The following NRG1 variants were observed in gnomAD, a reference collection of about 807,000 sequenced individuals.
NRG1 encodes the protein neuregulin 1, also known as pro-neuregulin-1, membrane-bound isoform.
In NRG1, 18 loss-of-function variants were observed where a neutral mutation model predicts 63.8. That is an observed-to-expected ratio of 0.28 (90% CI 0.19 to 0.42). The LOEUF (loss-of-function observed/expected upper bound fraction) is 0.42, where lower values mean the gene tolerates loss of function less well. Ranked by LOEUF, NRG1 falls within the 10% of genes least tolerant of loss-of-function variation. The probability of loss-of-function intolerance (pLI) is 1.00; values close to 1 mark genes in which losing one functional copy is unlikely to be tolerated. For synonymous variants in NRG1, 302 were observed against 301.3 expected, an observed-to-expected ratio of 1.00 and a Z score of -0.02; for missense variants, 762 against 814.7, an observed-to-expected ratio of 0.94 and a Z score of 0.79.
intron 1 of NRG1, among the ~76,000 whole-genome samples, chr8:32,111,833 G>A (rs1427022047): frequency 6.6e-6 from 1 of 152,098 alleles, no homozygotes; most frequent in Non-Finnish European, 1.5e-5. Context: ...ATCCAGGCAT[G>A]CCTCCAGACA....
chr8:32,021,544 A>ATGTATTGCTTTAAATTTTAAG (rs1816444173), intron 1 of NRG1, among the ~76,000 whole-genome samples: 1 of 152,156 alleles, frequency 6.6e-6, no homozygotes, highest in African/African-American at 2.4e-5. Context: ...CCCTACCTCC[A>ATGTATTGCTTTAAATTTTAAG]CACTGGGGAT....
chr8:32,770,989 A>G (rs1433651690), downstream of NRG1, among the ~76,000 whole-genome samples: 1 of 152,170 alleles, frequency 6.6e-6, no homozygotes, highest in Non-Finnish European at 1.5e-5. Context: ...AATAAACTTT[A>G]TGTTATCATT....
intron 1 of NRG1, among the ~76,000 whole-genome samples, chr8:32,205,271 G>A (rs1843918375): frequency 6.6e-6 from 1 of 151,970 alleles, no homozygotes; most frequent in Admixed American, 6.6e-5. Flanking sequence ...GTAATCAAAG[G>A]TGCCCAATAC....
Position 32,242,340 on chromosome 8 carries a change from G to T in NRG1, c.38-353488G>T, listed in dbSNP as rs550795290. ...AATACAAAAATTAGGGGAGTGTGGT[G>T]GTGGGCGCCTATAATCCCAGCTACT... On this transcript the variant is annotated intron_variant, in intron 1 of 10. Coordinates refer to the NRG1 transcript ENST00000519301. 2.0e-5 allele frequency among the ~76,000 whole-genome samples: 3 copies of T among 152,128 alleles called. No individual in the cohort carries two copies. The South Asian group carries it at 6.2e-4, about 32-fold the overall frequency.
At chr8:32,327,743 C>T (rs1321216364) in intron 1 of NRG1, among the ~76,000 whole-genome samples, 1 of 152,122 alleles carries the variant, frequency 6.6e-6, no homozygotes, top group African/African-American at 2.4e-5. Context: ...ATATTGGAGA[C>T]CTTTATAACA....
intron 1 of NRG1, among the ~76,000 whole-genome samples, chr8:32,007,883 T>A (rs1429375562): frequency 3.9e-5 from 6 of 151,912 alleles, no homozygotes; most frequent in Non-Finnish European, 7.4e-5. Context: ...ATAATGACTG[T>A]ACCCAGCCCT....
chr8:32,234,026 G>A (rs1847279658), intron 1 of NRG1, among the ~76,000 whole-genome samples: 1 of 152,180 alleles, frequency 6.6e-6, no homozygotes, highest in South Asian at 2.1e-4. Context: ...TTTTATAAAT[G>A]TGTGTACTGG....
chr8:31,947,969 A>AAC (rs1554583485), intron 1 of NRG1, among the ~76,000 whole-genome samples: 1 of 150,390 alleles, frequency 6.6e-6, no homozygotes, highest in African/African-American at 2.5e-5. Context: ...AAAAAAAAAA[A>AAC]AAACTACTAC....
intron 1 of NRG1, among the ~76,000 whole-genome samples, chr8:32,329,239 G>C (rs188114313): frequency 2.6e-5 from 4 of 152,262 alleles, no homozygotes; most frequent in Admixed American, 2.6e-4. Context: ...AAAGTGCTGG[G>C]ATTACAGGTG....
chr8:32,017,673 G>A (rs200855768), intron 1 of NRG1, among the ~76,000 whole-genome samples: 5 of 152,288 alleles, frequency 3.3e-5, no homozygotes, highest in East Asian at 3.9e-4. Context: ...AGAAAAAGAC[G>A]TGACTCAGTT....
At chr8:31,818,510 C>T (rs1019491367) in intron 1 of NRG1, among the ~76,000 whole-genome samples, 13 of 152,204 alleles carry the variant, frequency 8.5e-5, no homozygotes, top group African/African-American at 2.9e-4. Context: ...GGGATGAAAC[C>T]GTTCCACCTC....
At chr8:32,208,492 A>G (rs1844313523) in intron 1 of NRG1, among the ~76,000 whole-genome samples, 1 of 152,086 alleles carries the variant, frequency 6.6e-6, no homozygotes, top group Non-Finnish European at 1.5e-5. Flanking sequence ...TCCTAACCTC[A>G]GGTGATCCGC....
At chr8:32,406,927 G>C (rs1814071581) in intron 1 of NRG1, among the ~76,000 whole-genome samples, 1 of 152,068 alleles carries the variant, frequency 6.6e-6, no homozygotes, top group African/African-American at 2.4e-5. Context: ...ATAATAAAGA[G>C]AAGTTTGGAG....
chr8:32,594,761 C>A (rs1044446246), intron 1 of NRG1, among the ~76,000 whole-genome samples: 1 of 152,180 alleles, frequency 6.6e-6, no homozygotes, highest in East Asian at 1.9e-4. Context: ...CTCACAGTCT[C>A]TGTTGAGACT....
At chr8:32,188,673 G>C (rs759393503) in intron 1 of NRG1, among the ~76,000 whole-genome samples, 2 of 152,102 alleles carry the variant, frequency 1.3e-5, no homozygotes, top group Non-Finnish European at 2.9e-5. Context: ...AAGAAATGTC[G>C]CTGGTATCAG....
chr8:32,604,789 G>C (rs2092343507), intron 2 of NRG1, among the ~76,000 whole-genome samples: 1 of 151,960 alleles, frequency 6.6e-6, no homozygotes, highest in African/African-American at 2.4e-5. Flanking sequence ...CTGCTGTTCT[G>C]AGTTCTTATA....
intron 5 of NRG1, among the ~76,000 whole-genome samples, chr8:32,663,697 G>A (rs1384894567): frequency 6.6e-6 from 1 of 152,158 alleles, no homozygotes; most frequent in East Asian, 1.9e-4. Context: ...GAGAGGAGAA[G>A]CAGGAAAAGT....
At chr8:32,548,327 C>G in exon 1 of NRG1, 1 of 998,942 alleles carries the variant, frequency 1.0e-6, no homozygotes, top group Non-Finnish European at 1.2e-6. Context: ...GTTGGAACTC[C>G]GGGCTCGCGC....
chr8:32,373,072 G>A (rs2129482860), intron 1 of NRG1, among the ~76,000 whole-genome samples: 1 of 152,278 alleles, frequency 6.6e-6, no homozygotes, highest in East Asian at 1.9e-4. Context: ...CTTGGGGTGT[G>A]TGTCAGTGTA....
Sources: gnomAD v4.1 joint callset for allele counts (sites outside exome capture counted in the v4.1 genomes callset) on GRCh38, gnomAD v4.1.1 for gene constraint, MANE v1.5 for transcripts, NCBI Gene and HGNC (gene_info 2026-07-23, HGNC 2026-07-21) for gene names.